LRMDA: variants seen among roughly 807,000 people sequenced by gnomAD.
LRMDA encodes leucine rich melanocyte differentiation associated.
In LRMDA, 18 loss-of-function variants were observed where a neutral mutation model predicts 29.8. That is an observed-to-expected ratio of 0.60 (90% CI 0.42 to 0.90). The LOEUF (loss-of-function observed/expected upper bound fraction) is 0.90. Among genes scored for constraint, LRMDA ranks in the 40% least tolerant of loss-of-function variants. LRMDA has a pLI of 0.00. For missense variants in LRMDA, 273 were observed against 273.9 expected (o/e 1.00, Z 0.02); for synonymous variants, 125 against 109.4 (o/e 1.14, Z -0.89).
intron 5 of LRMDA, among the ~76,000 whole-genome samples, chr10:76,136,480 T>C (rs569933370): frequency 6.6e-6 from 1 of 152,150 alleles, no homozygotes; most frequent in Non-Finnish European, 1.5e-5. Context: ...CACATGCTGA[T>C]ATATAAGGGA....
intron 5 of LRMDA, among the ~76,000 whole-genome samples, chr10:76,172,006 A>G (rs924752844): frequency 1.3e-5 from 2 of 152,146 alleles, no homozygotes; most frequent in South Asian, 4.1e-4. Flanking sequence ...GGAAAGCAGA[A>G]AGGGAGCTGG....
intron 5 of LRMDA, among the ~76,000 whole-genome samples, chr10:76,197,091 T>C (rs964423711): frequency 6.6e-6 from 1 of 152,262 alleles, no homozygotes; most frequent in African/African-American, 2.4e-5. Context: ...GGTATATGTT[T>C]CTCATCTCCA....
At chr10:75,491,228 T>C (rs78351284) in intron 2 of LRMDA, among the ~76,000 whole-genome samples, 1 of 152,238 alleles carries the variant, frequency 6.6e-6, no homozygotes, top group Admixed American at 6.5e-5. Flanking sequence ...TCCCACCAAC[T>C]GTTTTAAGAT....
intron 2 of LRMDA, among the ~76,000 whole-genome samples, chr10:75,681,389 A>G (rs1050468968): frequency 6.6e-6 from 1 of 152,220 alleles, no homozygotes; most frequent in African/African-American, 2.4e-5. Flanking sequence ...CAATAATGCT[A>G]CATAAGAAAC....
At chr10:76,074,774 T>C (rs1174095544) in intron 5 of LRMDA, among the ~76,000 whole-genome samples, 1 of 152,158 alleles carries the variant, frequency 6.6e-6, no homozygotes, top group Admixed American at 6.5e-5. Flanking sequence ...CATTGACCCT[T>C]GATGTGTTAT....
chr10:75,967,247 A>G (rs1846878185), intron 2 of LRMDA, among the ~76,000 whole-genome samples: 1 of 152,220 alleles, frequency 6.6e-6, no homozygotes, highest in Non-Finnish European at 1.5e-5. Flanking sequence ...TGAACTCCCA[A>G]TTAAATTACT....
intron 2 of LRMDA, among the ~76,000 whole-genome samples, chr10:75,825,888 G>A (rs1301629544): frequency 6.6e-6 from 1 of 152,174 alleles, no homozygotes; most frequent in African/African-American, 2.4e-5. Context: ...GCAAACTATA[G>A]TGGAAGTCAA....
intron 6 of LRMDA, among the ~76,000 whole-genome samples, chr10:76,490,977 G>T (rs1430240984): frequency 1.3e-5 from 2 of 151,712 alleles, no homozygotes; most frequent in Non-Finnish European, 2.9e-5. Context: ...TATGAGGCTT[G>T]CAAATAATAT....
At chr10:75,601,985 T>C (rs1325079914) in intron 2 of LRMDA, among the ~76,000 whole-genome samples, 1 of 152,208 alleles carries the variant, frequency 6.6e-6, no homozygotes, top group East Asian at 1.9e-4. Flanking sequence ...TGCGATATCT[T>C]TTCTCCTCCA....
intron 2 of LRMDA, among the ~76,000 whole-genome samples, chr10:75,610,244 A>G (rs547399165): frequency 1.5e-4 from 23 of 152,198 alleles, no homozygotes; most frequent in Non-Finnish European, 2.5e-4. Flanking sequence ...ACTTTTAAGT[A>G]TAGAAAATAT....
chr10:76,192,371 G>A (rs893413141), intron 5 of LRMDA, among the ~76,000 whole-genome samples: 16 of 152,086 alleles, frequency 1.1e-4, no homozygotes, highest in African/African-American at 2.9e-4. Context: ...TCAGACCAGG[G>A]GCCAAGAGAA....
intron 5 of LRMDA, among the ~76,000 whole-genome samples, chr10:76,308,912 T>C (rs1384326321): frequency 6.6e-6 from 1 of 152,190 alleles, no homozygotes; most frequent in African/African-American, 2.4e-5. Flanking sequence ...CAGAGGGGCA[T>C]CCATTGCCTT....
At chr10:76,279,655 C>T in intron 5 of LRMDA, among the ~76,000 whole-genome samples, 1 of 150,100 alleles carries the variant, frequency 6.7e-6, no homozygotes. Flanking sequence ...AAGCGATTCT[C>T]CTGCCTCAGC....
chr10:75,837,828 G>A (rs528671243), intron 2 of LRMDA, among the ~76,000 whole-genome samples: 7 of 152,138 alleles, frequency 4.6e-5, no homozygotes. Context: ...TAGGACCTTA[G>A]TAAATACTTG....
intron 5 of LRMDA, among the ~76,000 whole-genome samples, chr10:76,097,537 A>T (rs1849331940): frequency 6.6e-6 from 1 of 152,176 alleles, no homozygotes; most frequent in Admixed American, 6.5e-5. Context: ...ACAACTAAGT[A>T]TGAAGTTAGC....
At chr10:75,528,862 T>C (rs778605985) in intron 2 of LRMDA, among the ~76,000 whole-genome samples, 11 of 152,024 alleles carry the variant, frequency 7.2e-5, no homozygotes, top group Non-Finnish European at 1.5e-4. Context: ...AGCATAGCAC[T>C]GAAACAAGAA....
intron 5 of LRMDA, among the ~76,000 whole-genome samples, chr10:76,291,112 C>T (rs898469392): frequency 1.5e-4 from 23 of 152,086 alleles, no homozygotes; most frequent in African/African-American, 1.9e-4. Flanking sequence ...GCTCAAGGAG[C>T]GGTCAATGAG....
At chr10:75,939,850 C>T (rs940510087) in intron 2 of LRMDA, among the ~76,000 whole-genome samples, 1 of 152,150 alleles carries the variant, frequency 6.6e-6, no homozygotes, top group African/African-American at 2.4e-5. Context: ...ATGGCTTTGG[C>T]TGGGAGAAGA....
chr10:75,690,987 A>T, intron 2 of LRMDA, among the ~76,000 whole-genome samples: 1 of 97,196 alleles, frequency 1.0e-5, no homozygotes, highest in African/African-American at 4.3e-5. Context: ...AAATATATAT[A>T]TATATATACA....
Sources: gnomAD v4.1 joint callset for allele counts (sites outside exome capture counted in the v4.1 genomes callset) on GRCh38, gnomAD v4.1.1 for gene constraint, MANE v1.5 for transcripts, NCBI Gene and HGNC (gene_info 2026-07-23, HGNC 2026-07-21) for gene names.